DST: variants seen among roughly 807,000 people sequenced by gnomAD.
DST encodes the protein dystonin.
Under a neutral mutation model 875.2 loss-of-function variants are expected in DST, and 253 were observed. The ratio of observed to expected loss-of-function variants is 0.29; its 90% CI spans 0.26 to 0.32. The LOEUF (loss-of-function observed/expected upper bound fraction) is 0.32. Among genes scored for constraint, DST ranks in the 10% least tolerant of loss-of-function variants. DST has a pLI of 1.00. For synonymous variants in DST, 3,124 were observed against 3,197.1 expected (o/e 0.98, Z 0.77); for missense variants, 8,287 against 9,111.6 (o/e 0.91, Z 3.68).
At chr6:56,659,306 G>C (rs558183603) in intron 10 of DST, among the ~76,000 whole-genome samples, 1 of 152,276 alleles carries the variant, frequency 6.6e-6, no homozygotes, top group African/African-American at 2.4e-5. Context: ...ACAACACAGA[G>C]AGAAAAGAAA....
intron 36 of DST, 61 bp from the exon 37 acceptor site, chr6:56,614,545 G>T: frequency 6.8e-7 from 1 of 1,461,124 alleles, no homozygotes. Flanking sequence ...CTATTAAACT[G>T]ACCTCTCCAT....
intron 3 of DST, among the ~76,000 whole-genome samples, chr6:56,885,434 C>T (rs1784294997): frequency 6.6e-6 from 1 of 152,134 alleles, no homozygotes; most frequent in Non-Finnish European, 1.5e-5. Context: ...TACATTCCCA[C>T]CAAGAGTGCA....
At chr6:56,639,162 G>A (rs957912518) in intron 22 of DST, 97 bp downstream of exon 22, 1 of 1,057,466 alleles carries the variant, frequency 9.5e-7, no homozygotes, top group Non-Finnish European at 1.4e-6. Flanking sequence ...ATAAAAGTTA[G>A]ATGGCTTGTA....
chr6:56,666,655 T>C (rs1051330377), intron 10 of DST, among the ~76,000 whole-genome samples: 3 of 152,050 alleles, frequency 2.0e-5, no homozygotes, highest in African/African-American at 7.2e-5. Context: ...AAAATGGACA[T>C]TTTCCACAAC....
chr6:56,835,392 A>G (rs1316610986), intron 4 of DST, among the ~76,000 whole-genome samples: 1 of 152,242 alleles, frequency 6.6e-6, no homozygotes, highest in Non-Finnish European at 1.5e-5. Context: ...TGGTTCATCA[A>G]TTCCAACAAA....
intron 3 of DST, among the ~76,000 whole-genome samples, chr6:56,852,305 G>A (rs780862179): frequency 3.3e-5 from 5 of 152,146 alleles, no homozygotes; most frequent in Non-Finnish European, 7.4e-5. Flanking sequence ...ATCTGAACTC[G>A]GTTTAGAGTT....
At chr6:56,748,553 C>T (rs2099578895) in intron 4 of DST, among the ~76,000 whole-genome samples, 1 of 152,148 alleles carries the variant, frequency 6.6e-6, no homozygotes. Context: ...AATACACTGG[C>T]TTCCTAGACA....
chr6:56,641,149 G>GAGAGAGAGAGAGAGAGAGA (rs2098896058), intron 17 of DST, among the ~76,000 whole-genome samples: 1 of 149,834 alleles, frequency 6.7e-6, no homozygotes, highest in African/African-American at 2.5e-5. Context: ...GAGAGAGAGA[G>GAGAGAGAGAGAGAGAGAGA]GTTATAGCCT....
chr6:56,736,937 G>GT (rs1253591663), intron 4 of DST, among the ~76,000 whole-genome samples: 1 of 152,070 alleles, frequency 6.6e-6, no homozygotes, highest in African/African-American at 2.4e-5. Flanking sequence ...CCTTCGGGAG[G>GT]CCAATGCAGG....
chr6:56,777,582 T>C (rs377374597), intron 4 of DST, among the ~76,000 whole-genome samples: 2 of 152,132 alleles, frequency 1.3e-5, no homozygotes, highest in African/African-American at 2.4e-5. Flanking sequence ...ACTTTCTAAT[T>C]TGAAACTCAC....
chr6:56,561,072 T>C (rs544080378), intron 57 of DST, among the ~76,000 whole-genome samples: 55 of 152,288 alleles, frequency 3.6e-4, no homozygotes, highest in Non-Finnish European at 7.6e-4. Context: ...GGTGGCAAAG[T>C]GGCTTACACC....
In DST at chr6:56,606,458, C is replaced by T. The variant is rs371231604; in HGVS notation, c.8170G>A (p.Gly2724Arg). ...DKVNGQSLET[G>R]SERECTNILE... is the part of the protein sequence containing the mutation. The stretch of plus-strand genomic sequence containing the variant: ...ATATTTGTGCATTCCCTTTCTGATC[C>T]AGTTTCCAGTGACTGTCCATTCACC... Residue 2724 changes from glycine (G) to arginine (R), a missense_variant, in exon 40 of 104, where the codon GGA (glycine) becomes AGA (arginine). Gly to Arg is a moderately radical substitution (Grantham distance 125). Coordinates refer to ENST00000680361, the MANE Select transcript of DST (RefSeq NM_001374736.1). 3.1e-6 allele frequency: 5 copies of T among 1,613,224 alleles called. No individual in the cohort carries two copies. Among genetic ancestry groups the T allele is most frequent in the Non-Finnish European group, 4.2e-6 (5 of 1,179,566 alleles).
At chr6:56,646,349 C>A (rs940169659) in intron 13 of DST, among the ~76,000 whole-genome samples, 167 bp from the exon 14 acceptor site, 1 of 152,062 alleles carries the variant, frequency 6.6e-6, no homozygotes, top group Non-Finnish European at 1.5e-5. Flanking sequence ...CAGCTGGTGA[C>A]GTGGGTTATC....
intron 4 of DST, among the ~76,000 whole-genome samples, chr6:56,762,627 C>T (rs2099619982): frequency 6.6e-6 from 1 of 152,178 alleles, no homozygotes; most frequent in South Asian, 2.1e-4. Context: ...ATCACAGTTT[C>T]ACTTAAGAGT....
At chr6:56,702,256 T>C (rs2099311783) in intron 7 of DST, among the ~76,000 whole-genome samples, 1 of 152,104 alleles carries the variant, frequency 6.6e-6, no homozygotes. Context: ...CACTTAATAT[T>C]TGGTAATAAA....
In DST at chr6:56,600,475, G is replaced by A. The variant is rs565088793; in HGVS notation, c.11542-254C>T. ...ATACTGGCCATGCATATTTGTAAGA[G>A]ATGGAACTTCTGACCAACAGGAAGA... On this transcript the variant is annotated intron_variant, in intron 44 of 103. Transcript: ENST00000680361. Among the ~76,000 whole-genome samples, 7 of 152,180 alleles carry A rather than the reference G, an allele frequency of 4.6e-5. No individual in the cohort carries two copies. The South Asian group carries it at 1.5e-3, about 32-fold the overall frequency.
At chr6:56,609,468 G>A (rs552536558) in intron 39 of DST, 124 bp from the exon 40 acceptor site, 1 of 703,642 alleles carries the variant, frequency 1.4e-6, no homozygotes, top group Admixed American at 2.6e-5. Context: ...TACTTACCAA[G>A]GCGCAGCAAT....
At chr6:56,706,867 A>T (rs1235717664) in intron 5 of DST, among the ~76,000 whole-genome samples, 1 of 152,068 alleles carries the variant, frequency 6.6e-6, no homozygotes, top group Non-Finnish European at 1.5e-5. Context: ...TAGCCGGGCA[A>T]TGTGGCGTAT....
intron 15 of DST, among the ~76,000 whole-genome samples, chr6:56,644,660 A>G (rs1417162773): frequency 6.6e-6 from 1 of 152,240 alleles, no homozygotes; most frequent in Non-Finnish European, 1.5e-5. Flanking sequence ...TCTAAGCAAG[A>G]TATCTGAACT....
Sources: gnomAD v4.1 joint callset for allele counts (sites outside exome capture counted in the v4.1 genomes callset) on GRCh38, gnomAD v4.1.1 for gene constraint, MANE v1.5 for transcripts, NCBI Gene and HGNC (gene_info 2026-07-23, HGNC 2026-07-21) for gene names.